PROK2: variants seen among roughly 807,000 people sequenced by gnomAD.
PROK2 encodes the protein prokineticin-2.
A neutral mutation model predicts 14.2 loss-of-function variants in PROK2; 8 were observed. That is an observed-to-expected ratio of 0.56 (90% CI 0.33 to 1.02). The LOEUF is 1.02. PROK2 is among the 50% of genes least tolerant of loss of function. The probability of loss-of-function intolerance (pLI) is 0.03; values close to 1 mark genes in which losing one functional copy is unlikely to be tolerated. For missense variants in PROK2, 154 were observed against 160.4 expected, an observed-to-expected ratio of 0.96 and a Z score of 0.22; for synonymous variants, 59 against 60.7, an observed-to-expected ratio of 0.97 and a Z score of 0.13.
rs2050118816 is a variant in PROK2 at position 71,776,363 on chromosome 3, C to CTTTT, written c.223-1857_223-1856insAAAA. 5.9e-4 allele frequency among the ~76,000 whole-genome samples: 54 copies of CTTTT among 92,058 alleles called. 13 individuals carry two copies. Among genetic ancestry groups the CTTTT allele is most frequent in the Non-Finnish European group, 7.3e-4 (36 of 49,434 alleles). 60.4% of individuals were successfully genotyped at this position (92,058 alleles called of 152,430 possible). ...CTTTTCTTTTTTTCTTTTCGCTTTTCATTTTTTTTTTTTTTTTTTTTTTTT... is the reference window on the plus strand; with the variant it reads ...CTTTTCTTTTTTTCTTTTCGCTTTTCTTTTATTTTTTTTTTTTTTTTTTTTTTTT... On this transcript the variant is annotated intron_variant, in intron 2 of 3. Transcript: ENST00000295619.
At chr3:71,778,425 C>G (rs921290704) in intron 2 of PROK2, among the ~76,000 whole-genome samples, 1 of 151,930 alleles carries the variant, frequency 6.6e-6, no homozygotes, top group African/African-American at 2.4e-5. Context: ...GTAAACTGTA[C>G]AAGTTAATTG....
In PROK2 at chr3:71,785,076, G is replaced by A; in HGVS notation, c.-24C>T. ...ATGGCGCCCTCGGGACTGGGCGGCC[G>A]CCGGAGGCAGTTGGGGGCGCGGGGC... On this transcript the variant is annotated 5_prime_UTR_variant, in exon 1 of 4. Coordinates refer to ENST00000295619, the MANE Select transcript of PROK2 (RefSeq NM_001126128.2). 8.2e-7 allele frequency: 1 copy of A among 1,225,058 alleles called. No homozygotes were observed. Among genetic ancestry groups the A allele is most frequent in the Non-Finnish European group, 1.0e-6 (1 of 978,148 alleles). The allele number at this position is 1,225,058 out of a possible 1,614,324, so 75.9% of individuals were successfully genotyped here. A position where few individuals can be genotyped will look rare whatever the true frequency, so the allele number is the denominator to read the frequency against.
chr3:71,775,034 T>A (rs754833628), intron 2 of PROK2, among the ~76,000 whole-genome samples: 1 of 152,176 alleles, frequency 6.6e-6, no homozygotes, highest in Non-Finnish European at 1.5e-5. Flanking sequence ...GGGAGGGGGA[T>A]GCTCTAGGCG....
At chr3:71,783,906 C>A (rs2050189798) in intron 1 of PROK2, among the ~76,000 whole-genome samples, 1 of 152,034 alleles carries the variant, frequency 6.6e-6, no homozygotes, top group Non-Finnish European at 1.5e-5. Flanking sequence ...ATTCTATAAA[C>A]CTAATAACTA....
intron 3 of PROK2, 94 bp downstream of exon 3, chr3:71,774,351 A>G: frequency 1.3e-6 from 2 of 1,543,908 alleles, no homozygotes; most frequent in Non-Finnish European, 1.7e-6. Flanking sequence ...GGCTGAACTG[A>G]TAGGACAGAC....
chr3:71,784,820 G>C, intron 1 of PROK2, 137 bp downstream of exon 1: 1 of 665,230 alleles, frequency 1.5e-6, no homozygotes, highest in Non-Finnish European at 2.1e-6. Flanking sequence ...TGCACCAAGG[G>C]GCGACAGGGG....
At chr3:71,776,370 T>G (rs1181340267) in intron 2 of PROK2, among the ~76,000 whole-genome samples, 2 of 109,878 alleles carry the variant, frequency 1.8e-5, no homozygotes, top group African/African-American at 8.8e-5. Flanking sequence ...TTTCATTTTT[T>G]TTTTTTTTTT....
chr3:71,775,395 G>A (rs2050110549), intron 2 of PROK2, among the ~76,000 whole-genome samples: 1 of 152,138 alleles, frequency 6.6e-6, no homozygotes, highest in African/African-American at 2.4e-5. Context: ...GATCATACAA[G>A]ACAGAACACC....
chr3:71,783,055 T>TA (rs1316171266), intron 1 of PROK2, among the ~76,000 whole-genome samples: 1 of 152,194 alleles, frequency 6.6e-6, no homozygotes, highest in Non-Finnish European at 1.5e-5. Context: ...TGTGGGCATA[T>TA]AAATCAATTT....
At chr3:71,779,571 C>T (rs1434848085) in intron 2 of PROK2, among the ~76,000 whole-genome samples, 1 of 152,110 alleles carries the variant, frequency 6.6e-6, no homozygotes, top group Non-Finnish European at 1.5e-5. Flanking sequence ...GCATCTAGGG[C>T]ATGTGAAGCT....
At chr3:71,779,680 G>A (rs977746438) in intron 2 of PROK2, among the ~76,000 whole-genome samples, 5 of 152,150 alleles carry the variant, frequency 3.3e-5, no homozygotes, top group African/African-American at 1.2e-4. Flanking sequence ...CACGCTCACT[G>A]CAGCCTGAAA....
rs189142172 is a variant in PROK2 at position 71,778,423 on chromosome 3, T to C, written c.222+3044A>G. 2.1e-3 allele frequency among the ~76,000 whole-genome samples: 325 copies of C among 152,254 alleles called. 1 individual carries two copies. Among genetic ancestry groups the C allele is most frequent in the African/African-American group, 7.5e-3 (311 of 41,566 alleles). On this transcript the variant is annotated intron_variant, in intron 2 of 3. Transcript: ENST00000295619. ...ATAGCCTGTCAGGGACTGTAAACTG[T>C]ACAAGTTAATTGGTACATGTTAAAT...
chr3:71,772,442 GT>G lies in PROK2; in HGVS notation c.*281del, dbSNP rs1293603583. The stretch of plus-strand genomic sequence containing the variant: ...TCCTCATTTTTGTGAAAATGGGTAC[GT>G]TTTTGACATTTAAGAAAAAAGCCAA... On this transcript the variant is annotated 3_prime_UTR_variant, in exon 4 of 4. Transcript: ENST00000295619. 2 of 355,014 alleles carry G rather than the reference GT, an allele frequency of 5.6e-6. No individual in the cohort carries two copies. The highest frequency in any genetic ancestry group is 1.0e-5 in the Non-Finnish European group (2 of 196,350). 22.0% of individuals were successfully genotyped at this position (355,014 alleles called of 1,614,324 possible).
chr3:71,781,047 A>G (rs376664993), intron 2 of PROK2, among the ~76,000 whole-genome samples: 1 of 152,236 alleles, frequency 6.6e-6, no homozygotes, highest in Non-Finnish European at 1.5e-5. Context: ...GATTTTCTAA[A>G]AAATCCCAAA....
chr3:71,778,196 C>CA (rs1390545132), intron 2 of PROK2, among the ~76,000 whole-genome samples: 3 of 148,824 alleles, frequency 2.0e-5, no homozygotes, highest in East Asian at 2.0e-4. Context: ...GACTCTGTCT[C>CA]AAAAAAATAA....
intron 3 of PROK2, among the ~76,000 whole-genome samples, chr3:71,773,981 T>TCC (rs2050099916): frequency 2.0e-5 from 3 of 152,182 alleles, no homozygotes; most frequent in Non-Finnish European, 4.4e-5. Context: ...ACGGAGAAAG[T>TCC]TTAATCCCAG....
In PROK2 at chr3:71,772,660, A is replaced by G. The variant is rs1406078662; in HGVS notation, c.*64T>C. On this transcript the variant is annotated 3_prime_UTR_variant, in exon 4 of 4. Transcript: ENST00000295619. The stretch of plus-strand genomic sequence containing the variant: ...TTCTGGCACATTTTTTGTTTGGCAC[A>G]ATCACAAGTAAGACTTTACAGGTAA... 3 of 1,427,076 alleles carry G rather than the reference A, an allele frequency of 2.1e-6. No homozygotes were observed. The East Asian group carries it at 6.8e-5, about 32-fold the overall frequency. 88.4% of individuals were successfully genotyped at this position (1,427,076 alleles called of 1,614,324 possible).
intron 2 of PROK2, among the ~76,000 whole-genome samples, chr3:71,779,395 C>T (rs2050144668): frequency 6.6e-6 from 1 of 152,208 alleles, no homozygotes; most frequent in East Asian, 1.9e-4. Flanking sequence ...ATGTTGTATA[C>T]AGGCTTGCTG....
intron 2 of PROK2, among the ~76,000 whole-genome samples, chr3:71,777,747 G>T (rs913699347): frequency 8.6e-5 from 13 of 151,812 alleles, no homozygotes; most frequent in African/African-American, 3.1e-4. Context: ...AGTGTTCAAA[G>T]CTTTCAAAGC....
Sources: allele counts gnomAD v4.1 joint callset (sites outside exome capture counted in the v4.1 genomes callset), GRCh38; gene constraint gnomAD v4.1.1; transcripts MANE v1.5; gene names NCBI Gene and HGNC (gene_info 2026-07-23, HGNC 2026-07-21).